Variants in MYO16 observed in about 807,000 individuals in gnomAD.
The protein encoded by MYO16 is unconventional myosin-XVI.
A neutral mutation model predicts 205.3 loss-of-function variants in MYO16; 94 were observed. The observed-to-expected ratio is 0.46, with a 90% CI of 0.39 to 0.54. MYO16 has a LOEUF of 0.54. Among genes scored for constraint, MYO16 ranks in the 20% least tolerant of loss-of-function variants. The pLI is 0.00. For synonymous variants in MYO16, 988 were observed against 954.0 expected, an observed-to-expected ratio of 1.04 and a Z score of -0.66; for missense variants, 2,315 against 2,387.5, an observed-to-expected ratio of 0.97 and a Z score of 0.63.
intron 10 of MYO16, among the ~76,000 whole-genome samples, chr13:108,849,619 TTGTGTGTGTGTGTGTGTG>T (rs60404877): frequency 1.4e-4 from 12 of 83,888 alleles, no homozygotes; most frequent in Admixed American, 6.9e-4. Flanking sequence ...ATTTCCTCTT[TTGTGTGTGTGTGTGTGTG>T]TGTGTGTGTG....
chr13:108,549,208 G>A, the MYO16 span, among the ~76,000 whole-genome samples: 210 of 152,296 alleles, frequency 1.4e-3, 1 homozygote, highest in African/African-American at 4.8e-3. Context: ...TAGGAATCTT[G>A]AGATGGTGAG....
the MYO16 span, among the ~76,000 whole-genome samples, chr13:108,533,866 C>CAT: frequency 1.3e-5 from 2 of 152,060 alleles, no homozygotes; most frequent in Non-Finnish European, 1.5e-5. Context: ...TTCAATTGAA[C>CAT]ATATATAGCA....
At chr13:108,845,494 A>C (rs1877473210) in intron 10 of MYO16, among the ~76,000 whole-genome samples, 1 of 152,094 alleles carries the variant, frequency 6.6e-6, no homozygotes, top group African/African-American at 2.4e-5. Context: ...GAAAATGGGA[A>C]GGAGGAAGAG....
the MYO16 span, among the ~76,000 whole-genome samples, chr13:108,507,246 C>T: frequency 6.6e-6 from 1 of 152,118 alleles, no homozygotes; most frequent in African/African-American, 2.4e-5. Flanking sequence ...TTTCGTATTG[C>T]TATCTAACAC....
At chr13:108,745,102 T>A (rs1007427303) in intron 4 of MYO16, among the ~76,000 whole-genome samples, 1 of 152,346 alleles carries the variant, frequency 6.6e-6, no homozygotes, top group Non-Finnish European at 1.5e-5. Context: ...TCTGAACTGA[T>A]TGAAAATCGG....
intron 1 of MYO16, among the ~76,000 whole-genome samples, chr13:108,605,237 C>A (rs960615743): frequency 6.6e-6 from 1 of 152,088 alleles, no homozygotes; most frequent in African/African-American, 2.4e-5. Flanking sequence ...GCCATGAGTG[C>A]CAAAAATGTA....
chr13:108,567,731 A>C, the MYO16 span, among the ~76,000 whole-genome samples: 1 of 152,152 alleles, frequency 6.6e-6, no homozygotes, highest in Non-Finnish European at 1.5e-5. Context: ...AATTCCCCTT[A>C]TTAAAGCATA....
intron 1 of MYO16, among the ~76,000 whole-genome samples, chr13:108,609,150 C>T (rs942579928): frequency 9.2e-5 from 14 of 152,266 alleles, no homozygotes; most frequent in East Asian, 3.9e-4. Flanking sequence ...GCCCAGGAAA[C>T]GATGGAGTCC....
intron 32 of MYO16, among the ~76,000 whole-genome samples, chr13:109,155,050 G>T (rs1371455227): frequency 6.6e-6 from 1 of 151,786 alleles, no homozygotes; most frequent in Non-Finnish European, 1.5e-5. Flanking sequence ...AAAGGAAATT[G>T]GCACAACTTA....
chr13:109,000,848 T>C (rs1207086455), intron 21 of MYO16, among the ~76,000 whole-genome samples: 3 of 152,100 alleles, frequency 2.0e-5, no homozygotes, highest in Non-Finnish European at 4.4e-5. Context: ...TCAATAAATT[T>C]AGCCAGTTAG....
At chr13:108,980,721 G>A (rs941336068) in intron 20 of MYO16, among the ~76,000 whole-genome samples, 1 of 152,212 alleles carries the variant, frequency 6.6e-6, no homozygotes, top group Non-Finnish European at 1.5e-5. Context: ...ATACTGTCTA[G>A]TGGAAAATAC....
intron 1 of MYO16, among the ~76,000 whole-genome samples, chr13:108,639,111 G>A (rs1444875610): frequency 1.3e-5 from 2 of 152,244 alleles, no homozygotes; most frequent in African/African-American, 2.4e-5. Context: ...TTTCAAGAGC[G>A]AGTGATGTGA....
intron 27 of MYO16, among the ~76,000 whole-genome samples, chr13:109,073,749 G>A (rs1329179526): frequency 4.6e-5 from 7 of 152,090 alleles, no homozygotes; most frequent in South Asian, 2.1e-4. Flanking sequence ...AATCCTCACC[G>A]GTTAAATATA....
intron 10 of MYO16, among the ~76,000 whole-genome samples, chr13:108,850,050 G>T (rs938776504): frequency 2.0e-5 from 3 of 146,430 alleles, no homozygotes; most frequent in Admixed American, 1.4e-4. Context: ...CTCTTTTTTT[G>T]TGTGTGTAAC....
intron 1 of MYO16, among the ~76,000 whole-genome samples, chr13:108,622,156 G>T (rs937999913): frequency 6.6e-6 from 1 of 152,080 alleles, no homozygotes; most frequent in Admixed American, 6.5e-5. Context: ...ATACCTGCAA[G>T]ACTCTAGGAA....
intron 1 of MYO16, among the ~76,000 whole-genome samples, chr13:108,614,322 A>G (rs933938847): frequency 3.9e-5 from 6 of 152,134 alleles, no homozygotes; most frequent in African/African-American, 1.4e-4. Flanking sequence ...GAGAGAAATT[A>G]AAGAAGCCCT....
At chr13:108,761,904 A>G (rs1054814809) in intron 4 of MYO16, among the ~76,000 whole-genome samples, 1 of 152,204 alleles carries the variant, frequency 6.6e-6, no homozygotes, top group Admixed American at 6.5e-5. Flanking sequence ...GTTTTGCTAC[A>G]TACATTGATT....
chr13:109,084,706 C>T (rs1473578697), intron 27 of MYO16, among the ~76,000 whole-genome samples: 3 of 151,744 alleles, frequency 2.0e-5, no homozygotes, highest in East Asian at 1.9e-4. Flanking sequence ...TTTCTCCCAC[C>T]TCTTCTCATT....
chr13:108,749,583 T>C (rs1885165713), intron 4 of MYO16, among the ~76,000 whole-genome samples: 1 of 152,156 alleles, frequency 6.6e-6, no homozygotes, highest in African/African-American at 2.4e-5. Context: ...CGTATACTCA[T>C]TCCAGTGGCT....
Sources: allele counts gnomAD v4.1 joint callset (sites outside exome capture counted in the v4.1 genomes callset), GRCh38; gene constraint gnomAD v4.1.1; transcripts MANE v1.5; gene names NCBI Gene and HGNC (gene_info 2026-07-23, HGNC 2026-07-21).